NFKBIZ: variants seen among roughly 807,000 people sequenced by gnomAD.
NFKBIZ encodes the protein NFKB inhibitor zeta, also known as NF-kappa-B inhibitor zeta.
A neutral mutation model predicts 76.8 loss-of-function variants in NFKBIZ; 19 were observed. The observed-to-expected ratio is 0.25, with a 90% confidence interval of 0.17 to 0.36. NFKBIZ has a LOEUF of 0.36. Ranked by LOEUF, NFKBIZ falls within the 10% of genes least tolerant of loss-of-function variation. The probability of loss-of-function intolerance (pLI) is 1.00; values close to 1 mark genes in which losing one functional copy is unlikely to be tolerated. For missense variants in NFKBIZ, 829 were observed against 910.9 expected, an observed-to-expected ratio of 0.91 and a Z score of 1.16; for synonymous variants, 368 against 354.8, an observed-to-expected ratio of 1.04 and a Z score of -0.42.
chr3:101,857,841 G>A, intron 11 of NFKBIZ: 2 of 970,650 alleles, frequency 2.1e-6, no homozygotes, highest in Non-Finnish European at 2.4e-6. Flanking sequence ...TAAATGAGTT[G>A]TTACATGTGG....
chr3:101,845,631 G>A (rs1435160008), upstream of NFKBIZ, among the ~76,000 whole-genome samples: 1 of 152,032 alleles, frequency 6.6e-6, no homozygotes, highest in African/African-American at 2.4e-5. Context: ...TGAAACTCTG[G>A]ATTATTGGTC....
At chr3:101,832,556 C>T (rs1186227559) in intron 2 of NFKBIZ, among the ~76,000 whole-genome samples, 1 of 152,188 alleles carries the variant, frequency 6.6e-6, no homozygotes, top group Non-Finnish European at 1.5e-5. Flanking sequence ...TAAGTGGAAT[C>T]ATATAATACC....
At chr3:101,839,878 A>C (rs2107400606) in intron 2 of NFKBIZ, among the ~76,000 whole-genome samples, 1 of 152,312 alleles carries the variant, frequency 6.6e-6, no homozygotes, top group Middle Eastern at 3.4e-3. Flanking sequence ...GAAAACTGAG[A>C]TCCTTTCCCA....
intron 5 of NFKBIZ, among the ~76,000 whole-genome samples, chr3:101,854,130 C>T (rs141729584): frequency 1.3e-5 from 2 of 152,184 alleles, no homozygotes; most frequent in African/African-American, 4.8e-5. Context: ...TTTGGAAGAC[C>T]AGCGTAGACT....
chr3:101,830,282 A>G (rs990169513), intron 2 of NFKBIZ, among the ~76,000 whole-genome samples: 2 of 152,214 alleles, frequency 1.3e-5, no homozygotes, highest in African/African-American at 4.8e-5. Context: ...TTAGCCCTAC[A>G]GCATTTTTTA....
chr3:101,857,636 A>G, intron 11 of NFKBIZ, 177 bp downstream of exon 11: 1 of 985,446 alleles, frequency 1.0e-6, no homozygotes, highest in Non-Finnish European at 1.2e-6. Context: ...TGGAAACAGC[A>G]ATTAAGAAAT....
At chr3:101,834,462 G>A (rs1328337220) in intron 2 of NFKBIZ, among the ~76,000 whole-genome samples, 1 of 152,120 alleles carries the variant, frequency 6.6e-6, no homozygotes, top group Non-Finnish European at 1.5e-5. Flanking sequence ...CGGGGTTCAA[G>A]CAATTCTCCT....
chr3:101,849,624 G>C lies in NFKBIZ; in HGVS notation c.-5G>C. ...TCGGGGTCCTCGAGCGCCCAGCCTG[G>C]GAGCATGATTGTGGACAAGCTGCTG... On this transcript the variant is annotated 5_prime_UTR_variant, in exon 1 of 12. Coordinates refer to ENST00000326172, the MANE Select transcript of NFKBIZ (RefSeq NM_031419.4). 7.4e-7 allele frequency: 1 copy of C among 1,353,024 alleles called. No individual in the cohort carries two copies. The highest frequency in any genetic ancestry group is 1.9e-5 in the South Asian group (1 of 51,734). The allele number at this position is 1,353,024 out of a possible 1,614,324, so 83.8% of individuals were successfully genotyped here.
intron 2 of NFKBIZ, among the ~76,000 whole-genome samples, chr3:101,831,941 C>T (rs978950574): frequency 3.9e-5 from 6 of 152,056 alleles, no homozygotes; most frequent in African/African-American, 1.4e-4. Context: ...TGCTCTCCCA[C>T]CCAAGCTGGA....
chr3:101,841,700 T>C (rs1239745842), intron 2 of NFKBIZ, among the ~76,000 whole-genome samples: 1 of 152,232 alleles, frequency 6.6e-6, no homozygotes, highest in East Asian at 1.9e-4. Flanking sequence ...ATTCAACAAA[T>C]CAACATATAA....
chr3:101,843,165 G>C (rs1040789690), intron 2 of NFKBIZ, among the ~76,000 whole-genome samples: 1 of 152,030 alleles, frequency 6.6e-6, no homozygotes, highest in African/African-American at 2.4e-5. Flanking sequence ...CCAGGTGCAG[G>C]GGTTTACGCC....
chr3:101,849,954 G>A, intron 1 of NFKBIZ, 37 bp downstream of exon 1: 1 of 1,358,444 alleles, frequency 7.4e-7, no homozygotes, highest in Non-Finnish European at 9.4e-7. Flanking sequence ...TACTCGGGGC[G>A]CGCACGCCTA....
At chr3:101,840,675 C>T (rs1001400613) in intron 2 of NFKBIZ, among the ~76,000 whole-genome samples, 1 of 152,188 alleles carries the variant, frequency 6.6e-6, no homozygotes, top group African/African-American at 2.4e-5. Context: ...GGTACTGTAG[C>T]ATTGCTGTGA....
At chr3:101,848,508 G>A (rs1361900579), upstream of NFKBIZ, among the ~76,000 whole-genome samples, 1 of 152,134 alleles carries the variant, frequency 6.6e-6, no homozygotes, top group African/African-American at 2.4e-5. Flanking sequence ...ACTGAACTTT[G>A]TATCCCTCGT....
chr3:101,838,543 ATTTAAAATGTAATCAT>A (rs1397818724), intron 2 of NFKBIZ, among the ~76,000 whole-genome samples: 2 of 152,250 alleles, frequency 1.3e-5, no homozygotes, highest in South Asian at 2.1e-4. Flanking sequence ...TTATATAAAC[ATTTAAAATGTAATCAT>A]TTTAAAATGT....
chr3:101,859,575 A>G lies in NFKBIZ; in HGVS notation c.*204A>G. On this transcript the variant is annotated 3_prime_UTR_variant, in exon 12 of 12. Transcript: ENST00000326172. ...TTCTCTTGGCAGATTTGCATATTTC[A>G]TACCCAGGTATCTGGGATCTAGACA... is the stretch of plus-strand genomic sequence containing the variant. The G allele has an allele frequency of 5.0e-6, 2 of 397,290 alleles. No homozygotes were observed. Among genetic ancestry groups the G allele is most frequent in the Non-Finnish European group, 4.6e-6 (1 of 215,818 alleles). The allele number at this position is 397,290 out of a possible 1,614,324, so 24.6% of individuals were successfully genotyped here.
intron 2 of NFKBIZ, among the ~76,000 whole-genome samples, chr3:101,840,469 A>G (rs1220706772): frequency 6.6e-6 from 1 of 152,110 alleles, no homozygotes; most frequent in East Asian, 1.9e-4. Flanking sequence ...ACCAAACATC[A>G]CTCCTTCATA....
At chr3:101,838,079 C>G (rs1043733020) in intron 2 of NFKBIZ, among the ~76,000 whole-genome samples, 1 of 152,124 alleles carries the variant, frequency 6.6e-6, no homozygotes, top group Non-Finnish European at 1.5e-5. Flanking sequence ...AATATAGATG[C>G]AAGGTATGAC....
At chr3:101,842,915 C>A (rs937319331) in intron 2 of NFKBIZ, among the ~76,000 whole-genome samples, 1 of 150,256 alleles carries the variant, frequency 6.7e-6, no homozygotes, top group Non-Finnish European at 1.5e-5. Context: ...AATTATGAGT[C>A]CAATCTGGAA....
Sources: allele counts gnomAD v4.1 joint callset (sites outside exome capture counted in the v4.1 genomes callset), GRCh38; gene constraint gnomAD v4.1.1; transcripts MANE v1.5; gene names NCBI Gene and HGNC (gene_info 2026-07-23, HGNC 2026-07-21).